Variants in GUCY1A2 observed in about 807,000 individuals in gnomAD.
The protein encoded by GUCY1A2 is guanylate cyclase 1 soluble subunit alpha 2.
Under a neutral mutation model 63.5 loss-of-function variants are expected in GUCY1A2, and 27 were observed. That is an observed-to-expected ratio of 0.43 (90% CI 0.31 to 0.59). The LOEUF (loss-of-function observed/expected upper bound fraction) is 0.59. GUCY1A2 is among the 20% of genes least tolerant of loss of function. GUCY1A2 has a pLI of 0.11. For missense variants in GUCY1A2, 768 were observed against 913.3 expected, an observed-to-expected ratio of 0.84 and a Z score of 2.05; for synonymous variants, 364 against 343.5, an observed-to-expected ratio of 1.06 and a Z score of -0.66.
intron 6 of GUCY1A2, among the ~76,000 whole-genome samples, chr11:106,749,050 T>A (rs1467964137): frequency 6.6e-6 from 1 of 152,100 alleles, no homozygotes; most frequent in Non-Finnish European, 1.5e-5. Context: ...ATTTTCACTA[T>A]ACCTTTTCTT....
chr11:106,743,987 G>C (rs1565275583), intron 6 of GUCY1A2, among the ~76,000 whole-genome samples: 1 of 152,102 alleles, frequency 6.6e-6, no homozygotes, highest in Admixed American at 6.6e-5. Context: ...ATTTTTAGAT[G>C]AATCAAGTTC....
intron 6 of GUCY1A2, among the ~76,000 whole-genome samples, chr11:106,741,707 T>C (rs1388185832): frequency 6.6e-6 from 1 of 152,172 alleles, no homozygotes; most frequent in African/African-American, 2.4e-5. Context: ...ACCACCCACA[T>C]ATGGATATTT....
intron 6 of GUCY1A2, among the ~76,000 whole-genome samples, chr11:106,715,294 G>A (rs999064948): frequency 1.3e-4 from 20 of 152,268 alleles, no homozygotes; most frequent in African/African-American, 3.4e-4. Flanking sequence ...AGTAAAGGAG[G>A]AGTGTTGGAT....
chr11:106,719,091 T>C (rs1428999914), intron 6 of GUCY1A2, among the ~76,000 whole-genome samples: 3 of 152,164 alleles, frequency 2.0e-5, no homozygotes, highest in African/African-American at 2.4e-5. Context: ...ATTGCCCAGA[T>C]TGAAATCTAC....
rs572617166 is a variant in GUCY1A2, at chr11:106,918,408, A to T, written c.1206+21052T>A. 1.3e-3 allele frequency among the ~76,000 whole-genome samples: 190 copies of T among 145,628 alleles called. 6 individuals are homozygous for T. Among genetic ancestry groups the T allele is most frequent in the African/African-American group, 4.5e-3 (183 of 41,016 alleles). ...TATTTTACCCAACACACCATTTTTT[A>T]AAAAATCCTACTCTTAAACAATGCA... On this transcript the variant is annotated intron_variant, in intron 4 of 7. Transcript: ENST00000526355.
intron 4 of GUCY1A2, among the ~76,000 whole-genome samples, chr11:106,908,135 G>T (rs769753825): frequency 3.2e-4 from 48 of 152,004 alleles, no homozygotes; most frequent in Non-Finnish European, 6.5e-4. Flanking sequence ...CCATCAAAGA[G>T]ATATTAGGCA....
At chr11:106,767,770 A>C (rs953860202) in intron 6 of GUCY1A2, among the ~76,000 whole-genome samples, 2 of 152,196 alleles carry the variant, frequency 1.3e-5, no homozygotes, top group South Asian at 2.1e-4. Flanking sequence ...TTCTATAATT[A>C]AAACAAATAA....
At chr11:106,834,882 C>G (rs1859097179) in intron 4 of GUCY1A2, among the ~76,000 whole-genome samples, 1 of 151,920 alleles carries the variant, frequency 6.6e-6, no homozygotes, top group African/African-American at 2.4e-5. Context: ...ATACCTGAAA[C>G]CCTGGAAGGG....
intron 1 of GUCY1A2, among the ~76,000 whole-genome samples, chr11:107,010,639 T>C (rs74647646): frequency 0.069 from 10,525 of 152,110 alleles, 774 homozygotes; most frequent in African/African-American, 0.19. Flanking sequence ...TTGATGGAAC[T>C]AAATATACCA....
intron 6 of GUCY1A2, among the ~76,000 whole-genome samples, chr11:106,714,424 T>C (rs1368307647): frequency 2.0e-5 from 3 of 152,212 alleles, no homozygotes; most frequent in African/African-American, 4.8e-5. Flanking sequence ...GCATTTCTTC[T>C]GATAATTTAT....
Position 106,708,611 on chromosome 11 carries a change from AT to A in GUCY1A2, c.1891del (p.Met631CysfsTer36). 6.2e-7 allele frequency: 1 copy of A among 1,612,738 alleles called. No individual in the cohort carries two copies. Among genetic ancestry groups the A allele is most frequent in the Non-Finnish European group, 8.5e-7 (1 of 1,179,232 alleles). Reference protein sequence around the residue: ...SVLAGVVGVRMPRYCLFGNNV... With the variant: ...SVLAGVVGVRXPRYCLFGNNV... ...ATTTCCAAACAGGCAATAACGTGGC[AT>A]TCGCACCCCAACAACTCCAGCCAGC... On this transcript the variant is annotated frameshift_variant, in exon 7 of 8. Coordinates refer to ENST00000526355, the MANE Select transcript of GUCY1A2 (RefSeq NM_000855.3). LOFTEE classifies it high-confidence loss of function.
chr11:106,923,586 T>C (rs1860478402), intron 4 of GUCY1A2, among the ~76,000 whole-genome samples: 1 of 130,546 alleles, frequency 7.7e-6, no homozygotes, highest in South Asian at 3.5e-4. Context: ...ATTGCAGCAA[T>C]TTTTTTTAAA....
chr11:106,757,967 C>T lies in GUCY1A2; in HGVS notation c.1836+18472G>A, dbSNP rs186852972. On this transcript the variant is annotated intron_variant, in intron 6 of 7. Transcript: ENST00000526355. ...CTTTGCCCACAGCTACCCCTTTCCC[C>T]AGGTGCTCTGTCCCAGGGAGATGAG... 2.6e-3 allele frequency among the ~76,000 whole-genome samples: 396 copies of T among 152,322 alleles called. 5 individuals carry two copies. Among genetic ancestry groups the T allele is most frequent in the Middle Eastern group, 0.01 (3 of 294 alleles).
At chr11:106,776,737 T>C (rs1864363537) in intron 5 of GUCY1A2, among the ~76,000 whole-genome samples, 155 bp from the exon 6 acceptor site, 1 of 152,202 alleles carries the variant, frequency 6.6e-6, no homozygotes, top group Admixed American at 6.5e-5. Flanking sequence ...CAGCAGAGTT[T>C]GCAAACAGCC....
chr11:107,001,506 TA>T lies in GUCY1A2; in HGVS notation c.304-15376del, dbSNP rs1861611897. ...ATGACACAGTAAAATTAAGCATGCA[TA>T]GGGGGCATACAGTAAATATATGAAA... On this transcript the variant is annotated intron_variant, in intron 1 of 7. Coordinates refer to ENST00000526355, the MANE Select transcript of GUCY1A2 (RefSeq NM_000855.3). 2.6e-5 allele frequency among the ~76,000 whole-genome samples: 4 copies of T among 152,216 alleles called. No homozygotes were observed. In the South Asian group the frequency reaches 6.2e-4, roughly 24 times the overall value.
At chr11:106,969,643 T>G (rs1424253614) in intron 3 of GUCY1A2, among the ~76,000 whole-genome samples, 1 of 152,072 alleles carries the variant, frequency 6.6e-6, no homozygotes, top group Non-Finnish European at 1.5e-5. Context: ...GGCAACAAAA[T>G]AAGCTATGAG....
At chr11:106,857,525 T>A (rs1352758798) in intron 4 of GUCY1A2, among the ~76,000 whole-genome samples, 1 of 152,186 alleles carries the variant, frequency 6.6e-6, no homozygotes, top group Non-Finnish European at 1.5e-5. Flanking sequence ...CATATCTTGC[T>A]TTCTCAACCT....
chr11:106,897,960 G>T (rs1860074659), intron 4 of GUCY1A2, among the ~76,000 whole-genome samples: 1 of 151,970 alleles, frequency 6.6e-6, no homozygotes, highest in Non-Finnish European at 1.5e-5. Flanking sequence ...TACATATCTG[G>T]TTATTATCCA....
intron 3 of GUCY1A2, among the ~76,000 whole-genome samples, chr11:106,941,237 T>C (rs1305950829): frequency 2.0e-5 from 3 of 152,196 alleles, no homozygotes. Flanking sequence ...CCTGATGCCC[T>C]GGCAAAAGAG....
Sources: gnomAD v4.1 joint callset for allele counts (sites outside exome capture counted in the v4.1 genomes callset) on GRCh38, gnomAD v4.1.1 for gene constraint, MANE v1.5 for transcripts, NCBI Gene and HGNC (gene_info 2026-07-23, HGNC 2026-07-21) for gene names.